SLFN14: variants seen among roughly 807,000 people sequenced by gnomAD.
SLFN14 encodes schlafen family member 14, also known as protein SLFN14.
In SLFN14, 47 loss-of-function variants were observed where a neutral mutation model predicts 58.6. The observed-to-expected ratio is 0.80, with a 90% CI of 0.64 to 1.02. The LOEUF (loss-of-function observed/expected upper bound fraction) is 1.02, where lower values mean the gene tolerates loss of function less well. SLFN14 is among the 50% of genes least tolerant of loss of function. The pLI is 0.00. For synonymous variants in SLFN14, 390 were observed against 387.3 expected (o/e 1.01, Z -0.08); for missense variants, 967 against 1,078.4 (o/e 0.90, Z 1.45).
chr17:35,549,704 T>C (rs1343358774), intron 5 of SLFN14, among the ~76,000 whole-genome samples: 1 of 152,208 alleles, frequency 6.6e-6, no homozygotes, highest in African/African-American at 2.4e-5. Context: ...TCTGAACGAA[T>C]TTGGTTGTTT....
Position 35,548,557 on chromosome 17 carries a change from C to T in SLFN14, c.2421G>A (p.Gln807=), listed in dbSNP as rs1004210723. ...YVARKCHSLF[Q]CGYLPKDIAI... ...CTATATCTTTGGGCAGATAGCCACA[C>T]TGGAACAGGCTGTGACATTTTCTTG... The change falls in exon 6 of 6, where the codon CAG becomes CAA. Residue 807 remains glutamine (Q), a synonymous_variant. Coordinates refer to ENST00000674182, the MANE Select transcript of SLFN14 (RefSeq NM_001129820.2). 6.4e-7 allele frequency: 1 copy of T among 1,551,760 alleles called. No homozygotes were observed. The highest frequency in any genetic ancestry group is 1.4e-5 in the African/African-American group (1 of 73,192).
chr17:35,560,147 C>G (rs2072686912), intron 1 of SLFN14, among the ~76,000 whole-genome samples: 1 of 152,188 alleles, frequency 6.6e-6, no homozygotes, highest in South Asian at 2.1e-4. Flanking sequence ...AATTTGTCTC[C>G]CCATAACTTC....
At chr17:35,555,697 A>G (rs1015757901) in intron 3 of SLFN14, among the ~76,000 whole-genome samples, 1 of 152,204 alleles carries the variant, frequency 6.6e-6, no homozygotes, top group African/African-American at 2.4e-5. Flanking sequence ...AAATTCTCCA[A>G]TCACTCAAGT....
chr17:35,560,745 G>T (rs1597914236), intron 1 of SLFN14, among the ~76,000 whole-genome samples, 22 bp downstream of exon 1: 1 of 128,012 alleles, frequency 7.8e-6, no homozygotes, highest in East Asian at 2.2e-4. Context: ...ATATTTTTAA[G>T]AATTTTTTTT....
Position 35,548,462 on chromosome 17 carries a change from A to G in SLFN14, c.2516T>C (p.Ile839Thr), listed in dbSNP as rs1383636100. 8 of 1,551,574 alleles carry G rather than the reference A, an allele frequency of 5.2e-6. No individual in the cohort carries two copies. Among genetic ancestry groups the G allele is most frequent in the Middle Eastern group, 1.7e-4 (1 of 6,014 alleles). ...AACCTCTGATGGTCTGTGGGTCTCA[A>G]TTAATTCCATTGCTTTGAGTAGTGC... ...RLALLKAMEL[I>T]ETHRPSEVVF... The change falls in exon 6 of 6, where the codon ATT (isoleucine) becomes ACT (threonine). Residue 839 changes from isoleucine (I) to threonine (T), a missense_variant. Coordinates refer to ENST00000674182, the MANE Select transcript of SLFN14 (RefSeq NM_001129820.2).
In SLFN14 at chr17:35,548,601, G is replaced by T. The variant is rs777290921; in HGVS notation, c.2377C>A (p.Gln793Lys). Reference protein sequence around the residue: ...CETKTNLTTEQIANYVARKCH... With the variant: ...CETKTNLTTEKIANYVARKCH... ...TTTCTTGCCACATAGTTAGCTATTTGTTCTGTTGTCAGATTAGTCTTTGTC... is the reference window on the plus strand; with the variant it reads ...TTTCTTGCCACATAGTTAGCTATTTTTTCTGTTGTCAGATTAGTCTTTGTC... The change falls in exon 6 of 6, where the codon CAA becomes AAA. Residue 793 changes from glutamine to lysine, a missense_variant. Coordinates refer to ENST00000674182, the MANE Select transcript of SLFN14 (RefSeq NM_001129820.2). The T allele has an allele frequency of 1.3e-6, 2 of 1,551,760 alleles. No individual in the cohort carries two copies. Among genetic ancestry groups the T allele is most frequent in the South Asian group, 1.2e-5 (1 of 84,066 alleles).
At position 35,557,251 on chromosome 17, in the gene SLFN14, ATT is replaced by A; in HGVS notation, c.810_811del (p.Glu270AspfsTer16). The A allele has an allele frequency of 1.9e-6, 3 of 1,551,654 alleles. No individual in the cohort carries two copies. Among genetic ancestry groups the A allele is most frequent in the Non-Finnish European group, 2.6e-6 (3 of 1,146,984 alleles). ...AGGCAATTTTTCTATGCAGTTTTCG[ATT>A]TCTTTTTTTAGTAAGTCAGGATTCA... On this transcript the variant is annotated frameshift_variant, in exon 3 of 6. Coordinates refer to ENST00000674182, the MANE Select transcript of SLFN14 (RefSeq NM_001129820.2). LOFTEE classifies it high-confidence loss of function.
intron 3 of SLFN14, among the ~76,000 whole-genome samples, chr17:35,555,410 T>C (rs1051060877): frequency 2.0e-5 from 3 of 149,454 alleles, no homozygotes; most frequent in Admixed American, 6.7e-5. Context: ...AAAAATTAGC[T>C]GGGCGTGGTG....
At chr17:35,552,536 G>C (rs576393879) in intron 5 of SLFN14, among the ~76,000 whole-genome samples, 194 bp downstream of exon 5, 1 of 151,732 alleles carries the variant, frequency 6.6e-6, no homozygotes, top group South Asian at 2.1e-4. Context: ...TACCCTCTTT[G>C]GGTCCCCTCC....
chr17:35,560,254 A>G (rs1242513738), intron 1 of SLFN14, among the ~76,000 whole-genome samples: 1 of 152,254 alleles, frequency 6.6e-6, no homozygotes, highest in Non-Finnish European at 1.5e-5. Flanking sequence ...TTGAATGCTG[A>G]TAACAATTAT....
intron 3 of SLFN14, among the ~76,000 whole-genome samples, chr17:35,555,429 G>A (rs1260518669): frequency 1.1e-4 from 16 of 151,928 alleles, no homozygotes; most frequent in Admixed American, 1.0e-3. Flanking sequence ...TGGTGTGCCT[G>A]TAATCCCAGC....
intron 5 of SLFN14, 67 bp downstream of exon 5, chr17:35,552,663 C>CAAAT: frequency 1.7e-6 from 1 of 571,806 alleles, no homozygotes; most frequent in Non-Finnish European, 2.7e-6. Flanking sequence ...TATATATACA[C>CAAAT]ATATATATAC....
rs1166400163 is a variant in SLFN14, at chr17:35,557,301, C to A, written c.762G>T (p.Val254=). The A allele has an allele frequency of 3.2e-6, 5 of 1,551,596 alleles. No individual in the cohort carries two copies. Among genetic ancestry groups the A allele is most frequent in the Admixed American group, 2.0e-5 (1 of 50,986 alleles). ...LIGVDDKSKE[V]VGCKWEKVNP... ...TCACTTTTTCCCACTTACATCCAAC[C>A]ACTTCTTTGCTCTTATCATCCACCC... Residue 254 remains valine, a synonymous_variant, in exon 3 of 6, where the codon GTG becomes GTT. Transcript: ENST00000674182.
At chr17:35,558,463 T>G (rs1293819778) in intron 2 of SLFN14, among the ~76,000 whole-genome samples, 3 of 151,974 alleles carry the variant, frequency 2.0e-5, no homozygotes, top group Non-Finnish European at 4.4e-5. Flanking sequence ...TTGCTATTTT[T>G]TTTTTTTAAG....
Position 35,557,747 on chromosome 17 carries a change from G to C in SLFN14, c.316C>G (p.Leu106Val). The C allele has an allele frequency of 1.3e-6, 2 of 1,551,686 alleles. No homozygotes were observed. Among genetic ancestry groups the C allele is most frequent in the Non-Finnish European group, 1.7e-6 (2 of 1,146,986 alleles). The part of the protein sequence containing the change: ...LDYMQQGHNL[L>V]IFVKSWSPDV... The stretch of plus-strand genomic sequence containing the variant: ...GGGCTCCATGACTTCACAAAAATCA[G>C]GAGATTGTGCCCCTGCTGCATGTAG... Residue 106 changes from leucine to valine, a missense_variant, in exon 3 of 6, where the codon CTG becomes GTG. Coordinates refer to ENST00000674182, the MANE Select transcript of SLFN14 (RefSeq NM_001129820.2).
rs529618261 is a variant in SLFN14, at chr17:35,544,521, T to G, written c.*3718A>C. On this transcript the variant is annotated 3_prime_UTR_variant, in exon 6 of 6. Coordinates refer to ENST00000674182, the MANE Select transcript of SLFN14 (RefSeq NM_001129820.2). ...TGTTACACCCAGATAACAAGATGAT[T>G]TAAGAACTTTTTTTTTTTTTTTTTG... 6.8e-6 allele frequency among the ~76,000 whole-genome samples: 1 copy of G among 146,300 alleles called. No homozygotes were observed. The highest frequency in any genetic ancestry group is 2.6e-5 in the African/African-American group (1 of 38,288).
At chr17:35,550,472 G>A (rs755671191) in intron 5 of SLFN14, among the ~76,000 whole-genome samples, 5 of 152,206 alleles carry the variant, frequency 3.3e-5, no homozygotes, top group Non-Finnish European at 7.3e-5. Flanking sequence ...CTTGAACCCA[G>A]GAGACAGAGT....
In SLFN14 at chr17:35,557,923, C is replaced by A; in HGVS notation, c.140G>T (p.Arg47Leu). 6.4e-7 allele frequency: 1 copy of A among 1,551,658 alleles called. No homozygotes were observed. The highest frequency in any genetic ancestry group is 8.7e-7 in the Non-Finnish European group (1 of 1,146,980). The change falls in exon 3 of 6, where the codon CGG becomes CTG. Residue 47 changes from arginine (R) to leucine (L), a missense_variant. Coordinates refer to ENST00000674182, the MANE Select transcript of SLFN14 (RefSeq NM_001129820.2). ...AGAATTTAACAGTGCACATATAGCC[C>A]GGATAATTCTAGAATTCTCAGATCT... ...LKRSENSRII[R>L]AICALLNSGG...
In SLFN14 at chr17:35,557,265, T is replaced by G; in HGVS notation, c.798A>C (p.Leu266Phe). 1 of 1,551,734 alleles carries G rather than the reference T, an allele frequency of 6.4e-7. No individual in the cohort carries two copies. Among genetic ancestry groups the G allele is most frequent in the Non-Finnish European group, 8.7e-7 (1 of 1,146,998 alleles). ...TGCAGTTTTCGATTTCTTTTTTTAG[T>G]AAGTCAGGATTCACTTTTTCCCACT... ...GCKWEKVNPD[L>F]LKKEIENCIE... Residue 266 changes from leucine (L) to phenylalanine (F), a missense_variant, in exon 3 of 6, where the codon TTA becomes TTC. Physicochemically the swap from Leu to Phe is conservative, Grantham distance 22 (BLOSUM62 0). Transcript: ENST00000674182.
Sources: gnomAD v4.1 joint callset for allele counts (sites outside exome capture counted in the v4.1 genomes callset) on GRCh38, gnomAD v4.1.1 for gene constraint, MANE v1.5 for transcripts, NCBI Gene and HGNC (gene_info 2026-07-23, HGNC 2026-07-21) for gene names.